The following TRHDE variants were observed in gnomAD, a reference collection of about 807,000 sequenced individuals.
TRHDE encodes the protein thyrotropin releasing hormone degrading enzyme, also known as thyrotropin-releasing hormone-degrading ectoenzyme.
A neutral mutation model predicts 125.7 loss-of-function variants in TRHDE; 72 were observed. That is an observed-to-expected ratio of 0.57 (90% CI 0.47 to 0.70). The LOEUF (loss-of-function observed/expected upper bound fraction) is 0.70. TRHDE is among the 30% of genes least tolerant of loss of function. The pLI, the probability that TRHDE is intolerant of heterozygous loss-of-function variation, is 0.00. For synonymous variants in TRHDE, 509 were observed against 509.1 expected, an observed-to-expected ratio of 1.00 and a Z score of 0.00; for missense variants, 1,110 against 1,327.1, an observed-to-expected ratio of 0.84 and a Z score of 2.54.
chr12:72,319,405 T>A lies in TRHDE; in HGVS notation c.1188+32451T>A, dbSNP rs539573369. 3.0e-4 allele frequency among the ~76,000 whole-genome samples: 45 copies of A among 152,292 alleles called. No individual in the cohort carries two copies. In the South Asian group the frequency reaches 9.1e-3, roughly 31 times the overall value. ...TCAGAAGTTATGGATTTGACTTTAATCAACAACATGAAATATTTGCATGTC... is the reference window on the plus strand; with the variant it reads ...TCAGAAGTTATGGATTTGACTTTAAACAACAACATGAAATATTTGCATGTC... On this transcript the variant is annotated intron_variant, in intron 2 of 18. Transcript: ENST00000261180.
chr12:72,655,771 C>A (rs1338754544), intron 17 of TRHDE, among the ~76,000 whole-genome samples: 1 of 152,164 alleles, frequency 6.6e-6, no homozygotes, highest in African/African-American at 2.4e-5. Context: ...TATTTGCCTG[C>A]ATAATTGGAC....
chr12:72,267,419 T>G (rs1042955644), upstream of TRHDE, among the ~76,000 whole-genome samples: 3 of 152,144 alleles, frequency 2.0e-5, no homozygotes, highest in Admixed American at 2.0e-4. Flanking sequence ...TATTTGGTCA[T>G]TCTTTTCCTT....
chr12:72,311,320 A>G (rs1283722514), intron 2 of TRHDE, among the ~76,000 whole-genome samples: 1 of 152,126 alleles, frequency 6.6e-6, no homozygotes, highest in East Asian at 1.9e-4. Flanking sequence ...TGACACCCAG[A>G]TTTATCCAAC....
chr12:72,441,349 T>C (rs1284948961), intron 3 of TRHDE, among the ~76,000 whole-genome samples: 2 of 151,892 alleles, frequency 1.3e-5, no homozygotes, highest in Admixed American at 1.3e-4. Context: ...TAAAATTGAC[T>C]AATAATAACT....
intron 2 of TRHDE, among the ~76,000 whole-genome samples, chr12:72,157,862 G>A (rs146376587): frequency 8.7e-4 from 132 of 152,238 alleles, no homozygotes; most frequent in African/African-American, 3.1e-3. Context: ...AACCAGATAG[G>A]GAGTTAGTTT....
chr12:72,515,699 G>A (rs1878817091), intron 6 of TRHDE, among the ~76,000 whole-genome samples: 2 of 151,920 alleles, frequency 1.3e-5, no homozygotes, highest in Non-Finnish European at 2.9e-5. Flanking sequence ...TGGTGTTTTA[G>A]ACATGAAGTC....
chr12:72,400,666 C>T (rs541576879), intron 3 of TRHDE, among the ~76,000 whole-genome samples: 1 of 152,206 alleles, frequency 6.6e-6, no homozygotes, highest in Admixed American at 6.5e-5. Context: ...TTTAAATAAA[C>T]CATGTTAGAA....
intron 2 of TRHDE, among the ~76,000 whole-genome samples, chr12:72,157,011 C>G (rs117971793): frequency 2.0e-5 from 3 of 152,038 alleles, no homozygotes; most frequent in African/African-American, 7.2e-5. Flanking sequence ...AGAGATGACA[C>G]GTAACTGATA....
chr12:72,516,746 G>A (rs9738333), intron 6 of TRHDE, among the ~76,000 whole-genome samples: 58,039 of 149,718 alleles, frequency 0.39, 13,302 homozygotes, highest in African/African-American at 0.64. Context: ...AATGCTTCCA[G>A]TTTTTGCCCA....
chr12:72,495,373 A>G (rs147133604), intron 5 of TRHDE, among the ~76,000 whole-genome samples: 196 of 152,142 alleles, frequency 1.3e-3, no homozygotes, highest in African/African-American at 4.4e-3. Flanking sequence ...CTATTTATTA[A>G]GACCAAGCTT....
chr12:72,482,190 G>A (rs1451041182), intron 5 of TRHDE, among the ~76,000 whole-genome samples: 2 of 151,744 alleles, frequency 1.3e-5, no homozygotes, highest in African/African-American at 4.8e-5. Flanking sequence ...TCAGTTTCTT[G>A]TATACTTTGT....
At chr12:72,104,213 T>A (rs549630356) in intron 1 of TRHDE, among the ~76,000 whole-genome samples, 1 of 152,322 alleles carries the variant, frequency 6.6e-6, no homozygotes, top group African/African-American at 2.4e-5. Context: ...CTGGGCCTGG[T>A]CCATAGCATT....
At chr12:72,150,165 A>C (rs1191419084) in intron 2 of TRHDE, among the ~76,000 whole-genome samples, 1 of 152,208 alleles carries the variant, frequency 6.6e-6, no homozygotes, top group African/African-American at 2.4e-5. Flanking sequence ...AGATAATTAC[A>C]AAGAGTATTG....
intron 9 of TRHDE, among the ~76,000 whole-genome samples, chr12:72,565,610 AC>A (rs1412478016): frequency 2.0e-5 from 3 of 152,184 alleles, no homozygotes; most frequent in Non-Finnish European, 2.9e-5. Flanking sequence ...AGAGAATTTT[AC>A]TAACCTCCAC....
At chr12:72,473,361 C>G (rs1470813447) in intron 5 of TRHDE, among the ~76,000 whole-genome samples, 181 bp downstream of exon 5, 1 of 152,078 alleles carries the variant, frequency 6.6e-6, no homozygotes, top group Non-Finnish European at 1.5e-5. Context: ...TTATTAGGAA[C>G]TATATAATCT....
intron 2 of TRHDE, among the ~76,000 whole-genome samples, chr12:72,363,872 C>T (rs1396705053): frequency 6.6e-6 from 1 of 151,914 alleles, no homozygotes; most frequent in Non-Finnish European, 1.5e-5. Context: ...CTAGAAAACC[C>T]CATTGTCTCA....
At chr12:72,467,612 C>T (rs1178841168) in intron 3 of TRHDE, among the ~76,000 whole-genome samples, 7 of 152,118 alleles carry the variant, frequency 4.6e-5, no homozygotes, top group Admixed American at 6.5e-5. Flanking sequence ...GTCAGAAGTT[C>T]AAGACCAGCC....
intron 2 of TRHDE, among the ~76,000 whole-genome samples, chr12:72,172,447 G>T (rs544357247): frequency 4.6e-5 from 7 of 152,132 alleles, no homozygotes; most frequent in African/African-American, 7.2e-5. Context: ...TCAGGTCTGC[G>T]TGTATAGTGC....
At chr12:72,536,180 G>A (rs1868848107) in intron 6 of TRHDE, among the ~76,000 whole-genome samples, 1 of 152,104 alleles carries the variant, frequency 6.6e-6, no homozygotes, top group Admixed American at 6.6e-5. Context: ...TTGTTTTGAT[G>A]GATGTGCTAC....
Sources: gnomAD v4.1 joint callset for allele counts (sites outside exome capture counted in the v4.1 genomes callset) on GRCh38, gnomAD v4.1.1 for gene constraint, MANE v1.5 for transcripts, NCBI Gene and HGNC (gene_info 2026-07-23, HGNC 2026-07-21) for gene names.